Variants in MDFIC observed in about 807,000 individuals in gnomAD.
The protein encoded by MDFIC is myoD family inhibitor domain-containing protein.
Under a neutral mutation model 23.2 loss-of-function variants are expected in MDFIC, and 17 were observed. That is an observed-to-expected ratio of 0.73 (90% CI 0.50 to 1.10). MDFIC has a LOEUF of 1.10. Ranked by LOEUF, MDFIC falls within the 50% of genes least tolerant of loss-of-function variation. MDFIC has a pLI of 0.00. For missense variants in MDFIC, 356 were observed against 316.6 expected (o/e 1.12, Z -0.95); for synonymous variants, 120 against 115.2 (o/e 1.04, Z -0.27).
At chr7:114,993,955 G>A (rs1189395843) in intron 4 of MDFIC, among the ~76,000 whole-genome samples, 4 of 151,964 alleles carry the variant, frequency 2.6e-5, no homozygotes, top group African/African-American at 9.7e-5. Context: ...GGGGTGTTAA[G>A]GTCTCCCATT....
At chr7:114,936,632 C>T (rs1309795532) in intron 2 of MDFIC, among the ~76,000 whole-genome samples, 1 of 152,060 alleles carries the variant, frequency 6.6e-6, no homozygotes, top group Non-Finnish European at 1.5e-5. Context: ...AGTAGCAATC[C>T]TTGAAATTTT....
At position 115,019,367 on chromosome 7, in the gene MDFIC, C is replaced by T. The variant is rs567090639; in HGVS notation, c.*3432C>T. Among the ~76,000 whole-genome samples the T allele has an allele frequency of 1.8e-4, 27 of 152,126 alleles. No homozygotes were observed. The highest frequency in any genetic ancestry group is 6.3e-4 in the African/African-American group (26 of 41,530). On this transcript the variant is annotated 3_prime_UTR_variant, in exon 5 of 5. Coordinates refer to ENST00000393486, the MANE Select transcript of MDFIC (RefSeq NM_001166345.3). ...TATCCATTTTCCTCACCTGGATAGT[C>T]AATGTTATCTGAGCAGTTCAAGGAG...
intron 4 of MDFIC, among the ~76,000 whole-genome samples, chr7:115,008,144 G>A (rs1791609348): frequency 6.6e-6 from 1 of 151,916 alleles, no homozygotes; most frequent in African/African-American, 2.4e-5. Flanking sequence ...AGGCAATGGG[G>A]TAAACAAATA....
chr7:114,956,580 C>A (rs907996550), intron 3 of MDFIC, among the ~76,000 whole-genome samples: 8 of 151,990 alleles, frequency 5.3e-5, no homozygotes, highest in Non-Finnish European at 1.0e-4. Context: ...ATAACTGAAA[C>A]CAATGATATG....
intron 3 of MDFIC, among the ~76,000 whole-genome samples, chr7:114,958,514 G>A (rs1276849003): frequency 2.0e-5 from 3 of 152,220 alleles, no homozygotes; most frequent in East Asian, 1.9e-4. Flanking sequence ...ACTTTGGGAG[G>A]CAGAGGCAGG....
intron 2 of MDFIC, among the ~76,000 whole-genome samples, chr7:114,941,469 C>G (rs898887405): frequency 1.3e-5 from 2 of 152,186 alleles, no homozygotes; most frequent in African/African-American, 4.8e-5. Flanking sequence ...GTTCTTCCAC[C>G]TTTCTCCCAT....
At chr7:114,948,937 CTG>C (rs1437590338) in intron 3 of MDFIC, among the ~76,000 whole-genome samples, 4 of 152,118 alleles carry the variant, frequency 2.6e-5, no homozygotes, top group African/African-American at 7.2e-5. Context: ...GTATACTTCT[CTG>C]TGTTTCCTCC....
intron 3 of MDFIC, among the ~76,000 whole-genome samples, chr7:114,979,016 A>T (rs572516498): frequency 5.3e-5 from 8 of 152,216 alleles, no homozygotes; most frequent in African/African-American, 1.7e-4. Flanking sequence ...GATTTTTTTT[A>T]AAAACACTGT....
rs904740368 is a variant in MDFIC, at chr7:114,929,739, G to A, written c.94+6612G>A. ...CATGGAAGACTTCTCTTGCTTGGAT[G>A]GGTGGATTGAATACACTCACTGTGC... On this transcript the variant is annotated intron_variant, in intron 2 of 4. Coordinates refer to ENST00000393486, the MANE Select transcript of MDFIC (RefSeq NM_001166345.3). Among the ~76,000 whole-genome samples the A allele has an allele frequency of 2.6e-5, 4 of 152,120 alleles. No homozygotes were observed. In the East Asian group the frequency reaches 7.7e-4, roughly 29 times the overall value.
chr7:114,973,281 C>G lies in MDFIC; in HGVS notation c.218-6225C>G, dbSNP rs73445403. 5.6e-3 allele frequency among the ~76,000 whole-genome samples: 854 copies of G among 152,122 alleles called. 5 individuals carry two copies. Among genetic ancestry groups the G allele is most frequent in the African/African-American group, 0.019 (792 of 41,500 alleles). On this transcript the variant is annotated intron_variant, in intron 3 of 4. Transcript: ENST00000393486. ...ACAGTAGGAAATGAGCATTCCAGGT[C>G]AGTGAGAGGCTCCCCTCCCTGCTGC...
intron 4 of MDFIC, among the ~76,000 whole-genome samples, chr7:115,005,278 T>C (rs1366852596): frequency 1.3e-5 from 2 of 152,214 alleles, no homozygotes; most frequent in Non-Finnish European, 2.9e-5. Context: ...TCCTTATACA[T>C]ACACTAATAC....
At chr7:114,989,038 T>A (rs1344449143) in intron 4 of MDFIC, among the ~76,000 whole-genome samples, 1 of 151,932 alleles carries the variant, frequency 6.6e-6, no homozygotes, top group Non-Finnish European at 1.5e-5. Flanking sequence ...AGAGGTAATA[T>A]CAGATAGACA....
chr7:114,933,021 A>G (rs1031868272), intron 2 of MDFIC, among the ~76,000 whole-genome samples: 2 of 152,228 alleles, frequency 1.3e-5, no homozygotes, highest in African/African-American at 4.8e-5. Flanking sequence ...ACCCCCTTTG[A>G]TTCAATTTTG....
chr7:114,974,840 A>C (rs1793277794), intron 3 of MDFIC, among the ~76,000 whole-genome samples: 3 of 152,014 alleles, frequency 2.0e-5, no homozygotes. Context: ...TGAACCTAGA[A>C]AGTGCAGTAT....
intron 4 of MDFIC, among the ~76,000 whole-genome samples, chr7:115,011,193 G>A (rs770915440): frequency 6.6e-6 from 1 of 152,054 alleles, no homozygotes; most frequent in Non-Finnish European, 1.5e-5. Flanking sequence ...CTCCCTCTAT[G>A]ACCTTGGGAA....
chr7:115,015,047 G>A (rs2116153115), intron 4 of MDFIC, among the ~76,000 whole-genome samples: 1 of 152,202 alleles, frequency 6.6e-6, no homozygotes, highest in South Asian at 2.1e-4. Flanking sequence ...GTTAGAAGTA[G>A]GCAGAAGAAC....
At chr7:114,950,242 A>G (rs1021277692) in intron 3 of MDFIC, among the ~76,000 whole-genome samples, 1 of 152,138 alleles carries the variant, frequency 6.6e-6, no homozygotes, top group Non-Finnish European at 1.5e-5. Context: ...GGACTGGGGT[A>G]ATGACAGGTA....
intron 4 of MDFIC, among the ~76,000 whole-genome samples, chr7:115,001,900 G>A (rs1168850787): frequency 6.6e-6 from 1 of 152,190 alleles, no homozygotes; most frequent in African/African-American, 2.4e-5. Flanking sequence ...ACTTTGGGAG[G>A]CCAATGGGGA....
intron 4 of MDFIC, 59 bp downstream of exon 4, chr7:114,979,840 A>G (rs1239795476): frequency 1.9e-6 from 3 of 1,551,952 alleles, no homozygotes; most frequent in Non-Finnish European, 2.7e-6. Flanking sequence ...ATTTCCTGGT[A>G]ATTATTTGAT....
Sources: gnomAD v4.1 joint callset for allele counts (sites outside exome capture counted in the v4.1 genomes callset) on GRCh38, gnomAD v4.1.1 for gene constraint, MANE v1.5 for transcripts, NCBI Gene and HGNC (gene_info 2026-07-23, HGNC 2026-07-21) for gene names.